The following TRMT9B variants were observed in gnomAD, a reference collection of about 807,000 sequenced individuals.
TRMT9B encodes the protein probable tRNA methyltransferase 9B.
In TRMT9B, 16 loss-of-function variants were observed where a neutral mutation model predicts 11.5. The observed-to-expected ratio is 1.39, with a 90% confidence interval of 0.94 to 2.11. The LOEUF is 2.11. Ranked by LOEUF, TRMT9B falls within the 30% of genes most tolerant of loss-of-function variation. The pLI, the probability that TRMT9B is intolerant of heterozygous loss-of-function variation, is 0.00. For missense variants in TRMT9B, 941 were observed against 553.8 expected, an observed-to-expected ratio of 1.70 and a Z score of -7.02; for synonymous variants, 274 against 192.4, an observed-to-expected ratio of 1.42 and a Z score of -3.51.
chr8:12,969,093 A>G (rs1274487460), intron 1 of TRMT9B, among the ~76,000 whole-genome samples: 3 of 152,122 alleles, frequency 2.0e-5, no homozygotes, highest in Non-Finnish European at 4.4e-5. Context: ...TGCACCTGTA[A>G]TTCTAGCTAC....
intron 2 of TRMT9B, among the ~76,000 whole-genome samples, chr8:13,002,933 C>T (rs1809736311): frequency 1.3e-5 from 2 of 152,132 alleles, no homozygotes; most frequent in Admixed American, 6.5e-5. Context: ...GTGTCCCCTC[C>T]CTTCCCCAGC....
At chr8:12,991,949 C>A (rs1258254703) in intron 2 of TRMT9B, among the ~76,000 whole-genome samples, 1 of 152,138 alleles carries the variant, frequency 6.6e-6, no homozygotes, top group East Asian at 1.9e-4. Flanking sequence ...ACAACAACAA[C>A]AGACCTCTGG....
chr8:12,972,435 A>G (rs2460898), intron 1 of TRMT9B, among the ~76,000 whole-genome samples: 10,417 of 152,176 alleles, frequency 0.068, 412 homozygotes, highest in Non-Finnish European at 0.083. Context: ...TAGTCCTGGG[A>G]AAGTGAAAGA....
intron 3 of TRMT9B, 147 bp from the exon 4 acceptor site, chr8:13,012,536 CT>C: frequency 9.6e-7 from 1 of 1,044,196 alleles, no homozygotes. Flanking sequence ...GATTGCGCCA[CT>C]GCACTCCAGC....
At chr8:13,011,078 G>T (rs942547237) in intron 3 of TRMT9B, 5 of 406,422 alleles carry the variant, frequency 1.2e-5, no homozygotes, top group Non-Finnish European at 1.7e-5. Flanking sequence ...TCCACCTCCT[G>T]AATTTAAGTG....
rs147899626 is a variant in TRMT9B at position 12,953,830 on chromosome 8, C to T, written c.-200+7864C>T. 2.8e-4 allele frequency among the ~76,000 whole-genome samples: 43 copies of T among 152,226 alleles called. No individual in the cohort carries two copies. In the East Asian group the frequency reaches 7.1e-3, roughly 25 times the overall value. ...TACCTATAACTTATTTAAAGAAGAC[C>T]TTGAGAAGTTGGGACATATCTTGTC... On this transcript the variant is annotated intron_variant, in intron 1 of 4. Coordinates refer to ENST00000524591, the MANE Select transcript of TRMT9B (RefSeq NM_020844.3).
At chr8:12,992,868 C>G (rs1291252419) in intron 2 of TRMT9B, among the ~76,000 whole-genome samples, 1 of 151,968 alleles carries the variant, frequency 6.6e-6, no homozygotes, top group East Asian at 1.9e-4. Flanking sequence ...GACTCCATCT[C>G]CAAAAAGTAA....
In TRMT9B at chr8:12,980,544, C is replaced by T. The variant is rs144672420; in HGVS notation, c.-199-10290C>T. Among the ~76,000 whole-genome samples, 160 of 152,184 alleles carry T rather than the reference C, an allele frequency of 1.1e-3. 1 individual carries two copies. The highest frequency in any genetic ancestry group is 3.7e-3 in the African/African-American group (155 of 41,518). Reference sequence around the variant, plus strand: ...TATGGTGAGAGGCAAGGTTCTGCATCCCCCCAGCACTGCACACTACAGAGT... The same window carrying T: ...TATGGTGAGAGGCAAGGTTCTGCATTCCCCCAGCACTGCACACTACAGAGT... On this transcript the variant is annotated intron_variant, in intron 1 of 4. Transcript: ENST00000524591.
intron 2 of TRMT9B, among the ~76,000 whole-genome samples, chr8:12,993,142 T>C (rs7386738): frequency 0.061 from 9,301 of 152,270 alleles, 352 homozygotes; most frequent in African/African-American, 0.1. Context: ...CGTTGCACGA[T>C]ATAAGACTGC....
At chr8:12,996,500 T>C (rs1808366376) in intron 2 of TRMT9B, among the ~76,000 whole-genome samples, 1 of 152,344 alleles carries the variant, frequency 6.6e-6, no homozygotes, top group East Asian at 1.9e-4. Context: ...TCTTATTGAA[T>C]GGGGATACTG....
At chr8:12,976,218 G>T (rs7835221) in intron 1 of TRMT9B, among the ~76,000 whole-genome samples, 1 of 151,974 alleles carries the variant, frequency 6.6e-6, no homozygotes, top group African/African-American at 2.4e-5. Context: ...GGAGGTCTAT[G>T]TATAACAAAG....
intron 1 of TRMT9B, among the ~76,000 whole-genome samples, chr8:12,959,625 T>C (rs113655836): frequency 0.021 from 3,006 of 145,790 alleles, 112 homozygotes; most frequent in African/African-American, 0.073. Flanking sequence ...GCTCAAATGA[T>C]CCTCCTGCCT....
At chr8:13,012,900 A>T in intron 4 of TRMT9B, 43 bp downstream of exon 4, 1 of 1,602,998 alleles carries the variant, frequency 6.2e-7, no homozygotes, top group South Asian at 1.1e-5. Context: ...CCATGAGAAT[A>T]ATTGACCCGG....
At chr8:12,984,987 ACT>A (rs71207110) in intron 1 of TRMT9B, among the ~76,000 whole-genome samples, 269 of 129,174 alleles carry the variant, frequency 2.1e-3, no homozygotes, top group African/African-American at 6.2e-3. Flanking sequence ...ACACACACAC[ACT>A]CTCTCTCTCA....
At chr8:13,018,060 C>T (rs1022950516) in intron 4 of TRMT9B, among the ~76,000 whole-genome samples, 5 of 144,984 alleles carry the variant, frequency 3.4e-5, no homozygotes, top group Non-Finnish European at 7.5e-5. Context: ...AAGGAATGGT[C>T]ACTTAAGCAT....
At chr8:13,016,311 C>T (rs1812691951) in intron 4 of TRMT9B, among the ~76,000 whole-genome samples, 1 of 134,384 alleles carries the variant, frequency 7.4e-6, no homozygotes, top group Non-Finnish European at 1.6e-5. Context: ...CTAGATGAGG[C>T]ATAAGAGAGA....
Position 12,998,696 on chromosome 8 carries a change from C to G in TRMT9B, c.-1-7506C>G, listed in dbSNP as rs117133351. The stretch of plus-strand genomic sequence containing the variant: ...GGGGACAAAACAAAGCCTTCTTTCT[C>G]AGAGTTCACTAGATTTCTGTGGGTC... On this transcript the variant is annotated intron_variant, in intron 2 of 4. Transcript: ENST00000524591. 3.1e-3 allele frequency among the ~76,000 whole-genome samples: 467 copies of G among 152,330 alleles called. 2 individuals carry two copies. Among genetic ancestry groups the G allele is most frequent in the Middle Eastern group, 6.8e-3 (2 of 294 alleles).
chr8:13,012,047 G>A, intron 3 of TRMT9B: 1 of 985,338 alleles, frequency 1.0e-6, no homozygotes, highest in South Asian at 4.7e-5. Context: ...GGCTACACGT[G>A]GTCTCTCGGA....
chr8:13,005,879 A>G (rs1370543593), intron 2 of TRMT9B, among the ~76,000 whole-genome samples: 2 of 152,248 alleles, frequency 1.3e-5, no homozygotes, highest in Admixed American at 1.3e-4. Flanking sequence ...GGTCTTATCC[A>G]AAGTAAACCA....
Sources: allele counts gnomAD v4.1 joint callset (sites outside exome capture counted in the v4.1 genomes callset), GRCh38; gene constraint gnomAD v4.1.1; transcripts MANE v1.5; gene names NCBI Gene and HGNC (gene_info 2026-07-23, HGNC 2026-07-21).